Variants in TYR observed in about 807,000 individuals in gnomAD.
TYR encodes LB24-AB.
A neutral mutation model predicts 51.5 loss-of-function variants in TYR; 58 were observed. The observed-to-expected ratio is 1.13, with a 90% CI of 0.91 to 1.40. TYR has a LOEUF of 1.40. TYR is among the 40% of genes most tolerant of loss of function. TYR has a pLI of 0.00. For synonymous variants in TYR, 263 were observed against 235.2 expected, an observed-to-expected ratio of 1.12 and a Z score of -1.08; for missense variants, 732 against 647.4, an observed-to-expected ratio of 1.13 and a Z score of -1.42.
rs543017521 is a variant in TYR at position 89,289,777 on chromosome 11, G to T, written c.1366+4823G>T. ...TAATAAATGGACGTTTGTGCCAAAT[G>T]TCACAAGGCAGCAAAGAAACTAGTT... On this transcript the variant is annotated intron_variant, in intron 4 of 4. Coordinates refer to ENST00000263321, the MANE Select transcript of TYR (RefSeq NM_000372.5). Among the ~76,000 whole-genome samples the T allele has an allele frequency of 1.7e-3, 259 of 152,134 alleles. 1 individual carries two copies. Among genetic ancestry groups the T allele is most frequent in the Non-Finnish European group, 1.5e-3 (99 of 67,976 alleles).
At chr11:89,223,763 T>A (rs1210450678) in intron 2 of TYR, among the ~76,000 whole-genome samples, 1 of 152,156 alleles carries the variant, frequency 6.6e-6, no homozygotes, top group African/African-American at 2.4e-5. Context: ...TATTTAAAAT[T>A]GTTACTATAA....
chr11:89,202,736 A>G (rs1943615161), intron 2 of TYR, among the ~76,000 whole-genome samples: 1 of 152,090 alleles, frequency 6.6e-6, no homozygotes, highest in African/African-American at 2.4e-5. Context: ...GCTCTGCTCT[A>G]TAGCTGGTTA....
At chr11:89,190,223 C>T (rs193166166) in intron 1 of TYR, among the ~76,000 whole-genome samples, 32 of 152,206 alleles carry the variant, frequency 2.1e-4, no homozygotes, top group African/African-American at 6.7e-4. Context: ...CTCAGGCAGG[C>T]TCTCCAGGAG....
chr11:89,217,166 A>C (rs1943842108), intron 2 of TYR, among the ~76,000 whole-genome samples: 1 of 152,200 alleles, frequency 6.6e-6, no homozygotes, highest in Admixed American at 6.5e-5. Flanking sequence ...GTGGTAAATG[A>C]AGTGTTAAAG....
intron 2 of TYR, among the ~76,000 whole-genome samples, chr11:89,199,712 C>T (rs1419988659): frequency 6.6e-6 from 1 of 152,144 alleles, no homozygotes; most frequent in Non-Finnish European, 1.5e-5. Context: ...TTTCTCCTGC[C>T]ACCTTCTCTG....
At chr11:89,265,293 C>A (rs747054603) in intron 3 of TYR, among the ~76,000 whole-genome samples, 2 of 152,116 alleles carry the variant, frequency 1.3e-5, no homozygotes, top group Non-Finnish European at 2.9e-5. Context: ...CTCCTTTGAC[C>A]TTTGATAAAA....
chr11:89,253,353 C>T (rs1307906512), intron 3 of TYR, among the ~76,000 whole-genome samples: 1 of 151,616 alleles, frequency 6.6e-6, no homozygotes, highest in East Asian at 1.9e-4. Context: ...CATAATACTT[C>T]GTTTCCAGGT....
At position 89,295,535 on chromosome 11, in the gene TYR, CT is replaced by C; in HGVS notation, c.*172del. The C allele has an allele frequency of 1.3e-6, 1 of 792,188 alleles. No homozygotes were observed. Among genetic ancestry groups the C allele is most frequent in the Admixed American group, 2.2e-5 (1 of 44,676 alleles). 49.1% of individuals were successfully genotyped at this position (792,188 alleles called of 1,614,324 possible). A position where few individuals can be genotyped will look rare whatever the true frequency, so the allele number is the denominator to read the frequency against. ...TCCAACTCAGGTAGAACACACCTGT[CT>C]TTGTCTTGCTGTTTTCACTCAGCCC... On this transcript the variant is annotated 3_prime_UTR_variant, in exon 5 of 5. Transcript: ENST00000263321.
At chr11:89,286,411 G>A (rs1944787360) in intron 4 of TYR, among the ~76,000 whole-genome samples, 1 of 151,726 alleles carries the variant, frequency 6.6e-6, no homozygotes, top group South Asian at 2.1e-4. Context: ...TATTAGCCAG[G>A]AACTCTTCTC....
At chr11:89,280,894 T>C (rs977904859) in intron 3 of TYR, among the ~76,000 whole-genome samples, 6 of 151,718 alleles carry the variant, frequency 4.0e-5, no homozygotes, top group Non-Finnish European at 8.8e-5. Context: ...CAAGTTTCTC[T>C]AGTGTATTTG....
chr11:89,215,080 T>TATTTGC lies in TYR; in HGVS notation c.1037-12739_1037-12734dup, dbSNP rs925905346. 4.7e-4 allele frequency among the ~76,000 whole-genome samples: 72 copies of TATTTGC among 152,234 alleles called. 2 individuals are homozygous for TATTTGC. Among genetic ancestry groups the TATTTGC allele is most frequent in the African/African-American group, 1.7e-3 (71 of 41,524 alleles). ...ATAGACAAGGAACTTGCTATTAAAATATTTGCATTCTAGTGAGGAGAAGCA... is the reference window on the plus strand; with the variant it reads ...ATAGACAAGGAACTTGCTATTAAAATATTTGCATTTGCATTCTAGTGAGGAGAAGCA... On this transcript the variant is annotated intron_variant, in intron 2 of 4. Coordinates refer to ENST00000263321, the MANE Select transcript of TYR (RefSeq NM_000372.5).
At chr11:89,234,291 A>G (rs1037213300) in intron 3 of TYR, among the ~76,000 whole-genome samples, 1 of 143,568 alleles carries the variant, frequency 7.0e-6, no homozygotes, top group Non-Finnish European at 1.5e-5. Context: ...CTTGCTCTCA[A>G]TTAGGCTTTA....
intron 2 of TYR, among the ~76,000 whole-genome samples, chr11:89,216,021 A>T (rs1943828317): frequency 6.6e-6 from 1 of 152,206 alleles, no homozygotes; most frequent in Admixed American, 6.5e-5. Flanking sequence ...TGGTATCTTT[A>T]ATCAATAATT....
intron 3 of TYR, among the ~76,000 whole-genome samples, chr11:89,234,448 A>G (rs1159700011): frequency 7.0e-6 from 1 of 143,568 alleles, no homozygotes; most frequent in Non-Finnish European, 1.5e-5. Flanking sequence ...TTCTTTTGCA[A>G]TTGCAACTTG....
chr11:89,217,974 C>CT (rs569580233), intron 2 of TYR, among the ~76,000 whole-genome samples: 2 of 152,134 alleles, frequency 1.3e-5, no homozygotes, highest in South Asian at 4.2e-4. Context: ...CTATTAACTA[C>CT]TTTTTTAGAG....
intron 3 of TYR, among the ~76,000 whole-genome samples, chr11:89,279,988 T>C (rs552088293): frequency 4.6e-4 from 70 of 151,848 alleles, no homozygotes; most frequent in African/African-American, 1.7e-3. Context: ...ATTATATCTG[T>C]ACAGACTCCT....
At chr11:89,229,148 T>A (rs902910353) in intron 3 of TYR, among the ~76,000 whole-genome samples, 5 of 152,104 alleles carry the variant, frequency 3.3e-5, no homozygotes, top group Admixed American at 2.6e-4. Flanking sequence ...AACATGGACA[T>A]AAAATCAAAT....
At chr11:89,240,221 C>T (rs1015990319) in intron 3 of TYR, among the ~76,000 whole-genome samples, 3 of 151,862 alleles carry the variant, frequency 2.0e-5, no homozygotes, top group African/African-American at 4.8e-5. Flanking sequence ...CATGTACATC[C>T]TGCACATGTA....
intron 3 of TYR, among the ~76,000 whole-genome samples, chr11:89,275,172 G>A (rs534844714): frequency 1.1e-4 from 17 of 151,912 alleles, no homozygotes; most frequent in East Asian, 5.8e-4. Flanking sequence ...CAACTGTGCC[G>A]TCACCCTTTC....
Sources: gnomAD v4.1 joint callset for allele counts (sites outside exome capture counted in the v4.1 genomes callset) on GRCh38, gnomAD v4.1.1 for gene constraint, MANE v1.5 for transcripts, NCBI Gene and HGNC (gene_info 2026-07-23, HGNC 2026-07-21) for gene names.